BTBD7: variants seen among roughly 807,000 people sequenced by gnomAD.
BTBD7 encodes BTB domain containing 7, also known as BTB/POZ domain-containing protein 7.
In BTBD7, 38 loss-of-function variants were observed where a neutral mutation model predicts 99.9. The ratio of observed to expected loss-of-function variants is 0.38; its 90% confidence interval spans 0.29 to 0.50. The LOEUF (loss-of-function observed/expected upper bound fraction) is 0.50, where lower values mean the gene tolerates loss of function less well. BTBD7 is among the 20% of genes least tolerant of loss of function. BTBD7 has a pLI of 0.93. For synonymous variants in BTBD7, 520 were observed against 511.4 expected, an observed-to-expected ratio of 1.02 and a Z score of -0.23; for missense variants, 1,170 against 1,394.6, an observed-to-expected ratio of 0.84 and a Z score of 2.57.
intron 1 of BTBD7, among the ~76,000 whole-genome samples, chr14:93,302,974 G>C (rs1460420567): frequency 6.6e-6 from 1 of 152,122 alleles, no homozygotes; most frequent in East Asian, 1.9e-4. Flanking sequence ...GAGCATGCCA[G>C]TGCACTGCAG....
chr14:93,240,187 C>T lies in BTBD7; in HGVS notation c.*2086G>A, dbSNP rs1360252904. ...CAGATTAGTGTTAACTCTGGGAGCT[C>T]GGGAGCGTGCACCACCACCAGTGTC... On this transcript the variant is annotated 3_prime_UTR_variant, in exon 11 of 11. Coordinates refer to ENST00000334746, the MANE Select transcript of BTBD7 (RefSeq NM_001002860.4). The T allele has an allele frequency of 1.3e-5, 2 of 152,588 alleles. No individual in the cohort carries two copies. Among genetic ancestry groups the T allele is most frequent in the Admixed American group, 1.3e-4 (2 of 15,272 alleles). 9.5% of individuals were successfully genotyped at this position (152,588 alleles called of 1,614,324 possible). A position where few individuals can be genotyped will look rare whatever the true frequency, so the allele number is the denominator to read the frequency against.
chr14:93,261,991 AGTC>A (rs1192509174), intron 4 of BTBD7, among the ~76,000 whole-genome samples: 1 of 152,098 alleles, frequency 6.6e-6, no homozygotes, highest in East Asian at 1.9e-4. Context: ...TTTGAGATGA[AGTC>A]GTACTCTATT....
chr14:93,255,025 A>C (rs1227978285), intron 6 of BTBD7, among the ~76,000 whole-genome samples: 2 of 152,220 alleles, frequency 1.3e-5, no homozygotes, highest in Non-Finnish European at 2.9e-5. Context: ...CAACAGCTTC[A>C]TTAGTTAAAA....
intron 3 of BTBD7, chr14:93,288,659 C>A (rs2052809763): frequency 1.4e-6 from 2 of 1,424,300 alleles, no homozygotes; most frequent in Non-Finnish European, 2.0e-6. Flanking sequence ...CAGTAAGCAG[C>A]TGTTTGAAAG....
intron 1 of BTBD7, among the ~76,000 whole-genome samples, chr14:93,310,769 AC>A (rs1188153514): frequency 1.6e-5 from 2 of 126,384 alleles, no homozygotes; most frequent in Non-Finnish European, 3.3e-5. Flanking sequence ...AAACCAAAAA[AC>A]TTTTTTTTTT....
At chr14:93,255,298 A>G (rs986879607) in intron 6 of BTBD7, among the ~76,000 whole-genome samples, 2 of 152,066 alleles carry the variant, frequency 1.3e-5, no homozygotes, top group Non-Finnish European at 2.9e-5. Flanking sequence ...GGTGCATGCC[A>G]CCATGCCTGG....
At chr14:93,309,963 G>GT (rs1429717743) in intron 1 of BTBD7, among the ~76,000 whole-genome samples, 3 of 126,060 alleles carry the variant, frequency 2.4e-5, no homozygotes, top group Non-Finnish European at 4.8e-5. Context: ...CAATTGGCAG[G>GT]TGTTTTTTTT....
At position 93,294,491 on chromosome 14, in the gene BTBD7, A is replaced by G. The variant is rs2052899557; in HGVS notation, c.529T>C (p.Tyr177His). The change falls in exon 3 of 11, where the codon TAT (tyrosine) becomes CAT (histidine). Residue 177 changes from tyrosine to histidine, a missense_variant. Coordinates refer to ENST00000334746, the MANE Select transcript of BTBD7 (RefSeq NM_001002860.4). ...FKTLLSSSPE[Y>H]GAEIIMDINT... ...ATGTCCATTATTATCTCTGCCCCAT[A>G]CTCTGGTGAGGAAGAAAGCAGTGTT... The G allele has an allele frequency of 6.2e-7, 1 of 1,613,858 alleles. No individual in the cohort carries two copies. The highest frequency in any genetic ancestry group is 1.7e-5 in the Admixed American group (1 of 59,982).
intron 1 of BTBD7, among the ~76,000 whole-genome samples, chr14:93,332,036 T>C (rs746228942): frequency 2.6e-5 from 4 of 152,230 alleles, no homozygotes; most frequent in Non-Finnish European, 2.9e-5. Flanking sequence ...AGAGTACTTA[T>C]TATCTGTGCT....
In BTBD7 at chr14:93,263,908, T is replaced by C; in HGVS notation, c.1248A>G (p.Lys416=). The change falls in exon 4 of 11, where the codon AAA becomes AAG. Residue 416 remains lysine (K), a synonymous_variant. Transcript: ENST00000334746. ...LKWSSHPYGS[K]WVHRQALHFL... is the part of the protein sequence containing the mutation. ...AATGTAAAGCTTGTCGGTGCACCCA[T>C]TTAGAGCCATATGGATGAGAACTCC... 4 of 1,614,164 alleles carry C rather than the reference T, an allele frequency of 2.5e-6. No homozygotes were observed. The highest frequency in any genetic ancestry group is 3.4e-6 in the Non-Finnish European group (4 of 1,180,004).
chr14:93,280,849 C>CT (rs564620800), intron 3 of BTBD7, among the ~76,000 whole-genome samples: 23,959 of 141,702 alleles, frequency 0.17, 2,152 homozygotes, highest in East Asian at 0.31. Flanking sequence ...AAAAAGGCAC[C>CT]TTTTTTTTTT....
chr14:93,247,319 C>T (rs1387606537), intron 9 of BTBD7, among the ~76,000 whole-genome samples: 1 of 149,668 alleles, frequency 6.7e-6, no homozygotes, highest in Non-Finnish European at 1.5e-5. Context: ...TTGTGTCCAG[C>T]CTATTCTTTT....
chr14:93,280,798 T>C (rs1215101202), intron 3 of BTBD7, among the ~76,000 whole-genome samples: 2 of 151,984 alleles, frequency 1.3e-5, no homozygotes, highest in Non-Finnish European at 2.9e-5. Flanking sequence ...ATCATATATA[T>C]ACTCTGAACT....
At chr14:93,262,308 T>C (rs1351397176) in intron 4 of BTBD7, among the ~76,000 whole-genome samples, 5 of 152,082 alleles carry the variant, frequency 3.3e-5, no homozygotes, top group African/African-American at 4.8e-5. Context: ...AATTTTTTTG[T>C]ATTTTTAGTA....
At chr14:93,306,315 C>T (rs1027867434) in intron 1 of BTBD7, among the ~76,000 whole-genome samples, 1 of 151,628 alleles carries the variant, frequency 6.6e-6, no homozygotes, top group Non-Finnish European at 1.5e-5. Context: ...CTGGGAAAGA[C>T]ATATTAAAGA....
Position 93,294,707 on chromosome 14 carries a change from A to G in BTBD7, c.313T>C (p.Tyr105His). Reference protein sequence around the residue: ...VRDVNALVEEYEGTSALKELS... With the variant: ...VRDVNALVEEHEGTSALKELS... ...TCCTTTAATGCTGATGTTCCCTCATATTCCTCCACTAATGCATTGACATCT... is the reference window on the plus strand; with the variant it reads ...TCCTTTAATGCTGATGTTCCCTCATGTTCCTCCACTAATGCATTGACATCT... The change falls in exon 3 of 11, where the codon TAT becomes CAT. Residue 105 changes from tyrosine to histidine, a missense_variant. Tyr to His is a moderately conservative substitution (Grantham distance 83, BLOSUM62 2). Transcript: ENST00000334746. 1 of 1,614,090 alleles carries G rather than the reference A, an allele frequency of 6.2e-7. No individual in the cohort carries two copies. The highest frequency in any genetic ancestry group is 8.5e-7 in the Non-Finnish European group (1 of 1,180,024).
chr14:93,297,262 T>A (rs1478061963), intron 1 of BTBD7, among the ~76,000 whole-genome samples: 1 of 152,248 alleles, frequency 6.6e-6, no homozygotes, highest in Non-Finnish European at 1.5e-5. Flanking sequence ...TATGAATTCA[T>A]GTTTAAAAAT....
At chr14:93,324,461 A>C (rs2053306073) in intron 1 of BTBD7, among the ~76,000 whole-genome samples, 1 of 150,832 alleles carries the variant, frequency 6.6e-6, no homozygotes, top group Admixed American at 6.6e-5. Context: ...AAATAACTCC[A>C]AAGAACTGTC....
intron 1 of BTBD7, among the ~76,000 whole-genome samples, chr14:93,308,296 AAAAAAAAAG>A (rs200440747): frequency 2.6e-4 from 38 of 148,246 alleles, no homozygotes; most frequent in Admixed American, 4.1e-4. Context: ...CCAAAAAAAA[AAAAAAAAAG>A]AAAAGAAAAG....
Sources: gnomAD v4.1 joint callset for allele counts (sites outside exome capture counted in the v4.1 genomes callset) on GRCh38, gnomAD v4.1.1 for gene constraint, MANE v1.5 for transcripts, NCBI Gene and HGNC (gene_info 2026-07-23, HGNC 2026-07-21) for gene names.